Variants in NFATC2IP observed in about 807,000 individuals in gnomAD.
NFATC2IP encodes the protein NFATC2-interacting protein.
NFATC2IP carries 25 observed loss-of-function variants against 40.2 expected under a neutral mutation model. The ratio of observed to expected loss-of-function variants is 0.62; its 90% CI spans 0.45 to 0.87. The LOEUF is 0.87. NFATC2IP is among the 40% of genes least tolerant of loss of function. The pLI is 0.00. For missense variants in NFATC2IP, 553 were observed against 555.6 expected, an observed-to-expected ratio of 1.00 and a Z score of 0.05; for synonymous variants, 241 against 236.3, an observed-to-expected ratio of 1.02 and a Z score of -0.18.
intron 3 of NFATC2IP, among the ~76,000 whole-genome samples, chr16:28,955,437 A>T (rs147681394): frequency 6.6e-6 from 1 of 152,174 alleles, no homozygotes; most frequent in African/African-American, 2.4e-5. Context: ...ATATTATTGG[A>T]CATTTTCCTG....
intron 7 of NFATC2IP, among the ~76,000 whole-genome samples, chr16:28,962,562 A>G (rs1033522547): frequency 5.9e-5 from 9 of 152,086 alleles, no homozygotes; most frequent in Non-Finnish European, 1.0e-4. Flanking sequence ...GTCTTATCCT[A>G]CCTTGGTCTT....
chr16:28,958,117 GA>G (rs59221711), intron 5 of NFATC2IP, among the ~76,000 whole-genome samples: 10 of 147,630 alleles, frequency 6.8e-5, no homozygotes, highest in Non-Finnish European at 9.0e-5. Context: ...AAAATAGAAA[GA>G]AAAAAAAAAG....
At position 28,955,225 on chromosome 16, in the gene NFATC2IP, AC is replaced by A. The variant is rs146804779; in HGVS notation, c.578+548del. On this transcript the variant is annotated intron_variant, in intron 3 of 7. Transcript: ENST00000320805. ...GCAAACAAACAGACAGACAAAAAAT[AC>A]CCCCAAACCTGGGGATAATAGTGGC... is the stretch of plus-strand genomic sequence containing the variant. Among the ~76,000 whole-genome samples the A allele has an allele frequency of 1.9e-3, 290 of 152,028 alleles. 1 individual carries two copies. The highest frequency in any genetic ancestry group is 6.5e-3 in the African/African-American group (270 of 41,434).
At chr16:28,954,704 G>C (rs1471094559) in intron 3 of NFATC2IP, 22 bp downstream of exon 3, 1 of 1,520,612 alleles carries the variant, frequency 6.6e-7, no homozygotes, top group Admixed American at 1.7e-5. Flanking sequence ...CAGGGCCCTT[G>C]GGCCCTGGGA....
chr16:28,959,231 G>A, intron 7 of NFATC2IP, 131 bp downstream of exon 7: 1 of 626,650 alleles, frequency 1.6e-6, no homozygotes, highest in Non-Finnish European at 2.9e-6. Flanking sequence ...ATGTTCTTGG[G>A]TTCCCAGCCA....
At chr16:28,957,818 A>T (rs1965038088) in intron 5 of NFATC2IP, 1 of 151,990 alleles carries the variant, frequency 6.6e-6, no homozygotes, top group Non-Finnish European at 1.5e-5. Flanking sequence ...CACCTTTGTG[A>T]TGGGTGATTT....
In NFATC2IP at chr16:28,954,600, G is replaced by A; in HGVS notation, c.496G>A (p.Glu166Lys). 6.2e-7 allele frequency: 1 copy of A among 1,613,960 alleles called. No homozygotes were observed. The change falls in exon 3 of 8, where the codon GAG becomes AAG. Residue 166 changes from glutamate to lysine, a missense_variant. Glu to Lys is a moderately conservative substitution (Grantham distance 56). Transcript: ENST00000320805. Reference sequence around the variant, plus strand: ...GGCAGATTCGAGTGGTCTCTACCATGAGGGCTCCCCATCACCAGGCTCTCC... The same window carrying A: ...GGCAGATTCGAGTGGTCTCTACCATAAGGGCTCCCCATCACCAGGCTCTCC... ...ELADSSGLYH[E>K]GSPSPGSPWK...
rs927674056 is a variant in NFATC2IP, at chr16:28,966,114, G to T, written c.*2251G>T. On this transcript the variant is annotated 3_prime_UTR_variant, in exon 8 of 8. Coordinates refer to ENST00000320805, the MANE Select transcript of NFATC2IP (RefSeq NM_032815.4). ...TATGAATTATCTTGTTCTGCAGTTG[G>T]TTGCTTTTTGATTGCTTATTTAATA... is the stretch of plus-strand genomic sequence containing the variant. 6.6e-6 allele frequency: 1 copy of T among 152,054 alleles called. No individual in the cohort carries two copies. Among genetic ancestry groups the T allele is most frequent in the Non-Finnish European group, 1.5e-5 (1 of 68,012 alleles). The allele number at this position is 152,054 out of a possible 1,614,324, so 9.4% of individuals were successfully genotyped here.
At position 28,964,061 on chromosome 16, in the gene NFATC2IP, G is replaced by A. The variant is rs1596732808; in HGVS notation, c.*198G>A. 1 of 575,780 alleles carries A rather than the reference G, an allele frequency of 1.7e-6. No homozygotes were observed. Among genetic ancestry groups the A allele is most frequent in the Admixed American group, 3.0e-5 (1 of 32,840 alleles). The allele number at this position is 575,780 out of a possible 1,614,324, so 35.7% of individuals were successfully genotyped here. A position where few individuals can be genotyped will look rare whatever the true frequency, so the allele number is the denominator to read the frequency against. On this transcript the variant is annotated 3_prime_UTR_variant, in exon 8 of 8. Coordinates refer to ENST00000320805, the MANE Select transcript of NFATC2IP (RefSeq NM_032815.4). ...CTTGGTGAGTTATGTGGGTGTTGTT[G>A]CCCTGGGTGGCCTGTGGCTCCGTCC...
chr16:28,961,117 C>G (rs1235669581), intron 7 of NFATC2IP, among the ~76,000 whole-genome samples: 1 of 151,968 alleles, frequency 6.6e-6, no homozygotes. Context: ...TGCTTGAGCT[C>G]AGGAGTTCAA....
chr16:28,952,320 G>T (rs757515170), intron 2 of NFATC2IP, 116 bp downstream of exon 2: 1 of 1,498,098 alleles, frequency 6.7e-7, no homozygotes, highest in Non-Finnish European at 9.0e-7. Flanking sequence ...GAGCGTGGGA[G>T]AGGGGACTCC....
At chr16:28,961,936 CT>C (rs1965092798) in intron 7 of NFATC2IP, among the ~76,000 whole-genome samples, 1 of 142,650 alleles carries the variant, frequency 7.0e-6, no homozygotes, top group African/African-American at 2.5e-5. Flanking sequence ...CAGGGTCTTG[CT>C]CTGTTGCCCA....
At chr16:28,953,845 G>A (rs1290463507) in intron 2 of NFATC2IP, among the ~76,000 whole-genome samples, 1 of 151,632 alleles carries the variant, frequency 6.6e-6, no homozygotes, top group Non-Finnish European at 1.5e-5. Flanking sequence ...CTGAGCCCAG[G>A]AAGTCGAGGC....
rs1596733457 is a variant in NFATC2IP at position 28,965,636 on chromosome 16, T to C, written c.*1773T>C. The C allele has an allele frequency of 2.0e-5, 3 of 151,862 alleles. No individual in the cohort carries two copies. The highest frequency in any genetic ancestry group is 2.1e-4 in the South Asian group (1 of 4,800). 9.4% of individuals were successfully genotyped at this position (151,862 alleles called of 1,614,324 possible). On this transcript the variant is annotated 3_prime_UTR_variant, in exon 8 of 8. Transcript: ENST00000320805. ...TAAACCCAGGAGGCGGAGATTGCAG[T>C]GAGCCAAGGTTCCACCACTGCACTC...
rs1301352200 is a variant in NFATC2IP, at chr16:28,951,116, G to C, written c.105G>C (p.Gln35His). ...WGGRGRRPRA[Q>H]RSPSRGTLDV... ...GTCGGGGCCGGCGTCCTCGGGCCCAGCGGTCTCCATCCCGGGGCACGCTGG... is the reference window on the plus strand; with the variant it reads ...GTCGGGGCCGGCGTCCTCGGGCCCACCGGTCTCCATCCCGGGGCACGCTGG... The change falls in exon 1 of 8, where the codon CAG becomes CAC. Residue 35 changes from glutamine (Q) to histidine (H), a missense_variant. Transcript: ENST00000320805. The C allele has an allele frequency of 1.9e-6, 3 of 1,545,070 alleles. No homozygotes were observed. Among genetic ancestry groups the C allele is most frequent in the Non-Finnish European group, 2.6e-6 (3 of 1,144,148 alleles).
At position 28,963,792 on chromosome 16, in the gene NFATC2IP, A is replaced by G. The variant is rs749078775; in HGVS notation, c.1189A>G (p.Lys397Glu). ...GCTCTCCTTCTTCTTTGATGGGACA[A>G]AGCTTTCAGGCAGGGAGCTGCCAGC... is the stretch of plus-strand genomic sequence containing the variant. ...RKLSFFFDGT[K>E]LSGRELPADL... Residue 397 changes from lysine to glutamate, a missense_variant, in exon 8 of 8, where the codon AAG becomes GAG. By Grantham distance (56) the Lys-to-Glu change is moderately conservative. Transcript: ENST00000320805. 6.2e-7 allele frequency: 1 copy of G among 1,614,200 alleles called. No individual in the cohort carries two copies. Among genetic ancestry groups the G allele is most frequent in the South Asian group, 1.1e-5 (1 of 91,086 alleles).
chr16:28,951,670 C>T (rs1964968968), intron 1 of NFATC2IP, among the ~76,000 whole-genome samples: 1 of 151,882 alleles, frequency 6.6e-6, no homozygotes, highest in Non-Finnish European at 1.5e-5. Flanking sequence ...AGCTGGGATT[C>T]CTGAGATTTT....
intron 5 of NFATC2IP, 24 bp from the exon 6 acceptor site, chr16:28,958,693 T>C (rs1188984915): frequency 6.3e-7 from 1 of 1,594,972 alleles, no homozygotes; most frequent in East Asian, 2.2e-5. Context: ...GAAGACCTCT[T>C]TTGCTTGTTG....
chr16:28,952,001 G>C, intron 1 of NFATC2IP, 131 bp from the exon 2 acceptor site: 1 of 1,189,952 alleles, frequency 8.4e-7, no homozygotes, highest in Non-Finnish European at 1.2e-6. Context: ...AGGTTGCCAG[G>C]AGAGGGCCAA....
Sources: allele counts gnomAD v4.1 joint callset (sites outside exome capture counted in the v4.1 genomes callset), GRCh38; gene constraint gnomAD v4.1.1; transcripts MANE v1.5; gene names NCBI Gene and HGNC (gene_info 2026-07-23, HGNC 2026-07-21).